The following MATCAP1 variants were observed in gnomAD, a reference collection of about 807,000 sequenced individuals.
The protein encoded by MATCAP1 is microtubule associated tyrosine carboxypeptidase 1.
the MATCAP1 span, chr16:67,180,652 CCA>C: frequency 7.0e-7 from 1 of 1,421,032 alleles, no homozygotes; most frequent in Non-Finnish European, 9.5e-7. Flanking sequence ...CTCCAACTCC[CCA>C]CACTGTCGAC....
chr16:67,177,404 G>C, the MATCAP1 span, among the ~76,000 whole-genome samples: 1 of 152,102 alleles, frequency 6.6e-6, no homozygotes, highest in Non-Finnish European at 1.5e-5. Flanking sequence ...CTCCCATCAG[G>C]GTAGCCGCTG....
the MATCAP1 span, chr16:67,179,241 GCAGGCATGTTCTGGCCTACCT>G: frequency 1.4e-6 from 2 of 1,421,626 alleles, no homozygotes; most frequent in Non-Finnish European, 1.8e-6. The surrounding 1 kb of genome is among the most constrained non-coding windows in gnomAD (Gnocchi z 5.2). Flanking sequence ...CAGAGCATGG[GCAGGCATGTTCTGGCCTACCT>G]CTGTAAGCAG....
the MATCAP1 span, chr16:67,179,608 G>C: frequency 6.4e-7 from 1 of 1,561,974 alleles, no homozygotes; most frequent in Non-Finnish European, 8.8e-7. This position sits in a 1 kb window ranked among gnomAD's most constrained non-coding sequence, Gnocchi z 5.2. Context: ...CCTGGGGCCA[G>C]GGTGCAGGTG....
At chr16:67,180,401 G>A in the MATCAP1 span, 1 of 1,612,844 alleles carries the variant, frequency 6.2e-7, no homozygotes, top group African/African-American at 1.3e-5. Flanking sequence ...GGTGGCCCAG[G>A]AGCATCTGTG....
At chr16:67,176,540 C>G in the MATCAP1 span, 2 of 367,742 alleles carry the variant, frequency 5.4e-6, no homozygotes, top group Non-Finnish European at 9.7e-6. The surrounding 1 kb of genome is among the most constrained non-coding windows in gnomAD (Gnocchi z 4.3). Flanking sequence ...TCTCTTCCTG[C>G]CCCCATGCCT....
chr16:67,181,552 G>C, the MATCAP1 span: 1 of 152,202 alleles, frequency 6.6e-6, no homozygotes, highest in African/African-American at 2.4e-5. Context: ...CCTCCCCAGA[G>C]ACTACCTGGA....
the MATCAP1 span, chr16:67,179,636 G>A: frequency 1.3e-6 from 2 of 1,505,902 alleles, no homozygotes; most frequent in Admixed American, 3.4e-5. This position sits in a 1 kb window ranked among gnomAD's most constrained non-coding sequence, Gnocchi z 5.2. Context: ...TGATGCCACA[G>A]GGCAGCGAGG....
At chr16:67,176,920 C>T in the MATCAP1 span, 8 of 1,607,892 alleles carry the variant, frequency 5.0e-6, no homozygotes, top group African/African-American at 1.3e-5. The surrounding 1 kb of genome is among the most constrained non-coding windows in gnomAD (Gnocchi z 4.3). Context: ...GTGGGGCACC[C>T]GGGTATTATC....
At chr16:67,179,121 T>C in the MATCAP1 span, 14 of 1,196,668 alleles carry the variant, frequency 1.2e-5, no homozygotes, top group Middle Eastern at 3.5e-4. The surrounding 1 kb of genome is among the most constrained non-coding windows in gnomAD (Gnocchi z 5.2). Context: ...GAGGGTTCTT[T>C]CTCTGGCCGG....
At chr16:67,178,233 G>T in the MATCAP1 span, 2 of 1,546,718 alleles carry the variant, frequency 1.3e-6, no homozygotes, top group African/African-American at 1.4e-5. Context: ...CGCGCTTGGC[G>T]CGCACGCAGT....
chr16:67,178,434 G>C, the MATCAP1 span: 2 of 1,538,330 alleles, frequency 1.3e-6, no homozygotes, highest in Non-Finnish European at 8.7e-7. Flanking sequence ...GCCGCAGCCC[G>C]TACCGCAGCC....
chr16:67,180,566 G>T, the MATCAP1 span: 6 of 1,526,836 alleles, frequency 3.9e-6, no homozygotes, highest in South Asian at 6.5e-5. Flanking sequence ...TAGGCGGGCT[G>T]GGGGGTGCCT....
the MATCAP1 span, chr16:67,176,671 C>T: frequency 1.4e-5 from 11 of 761,704 alleles, no homozygotes; most frequent in Non-Finnish European, 2.2e-5. The surrounding 1 kb of genome is among the most constrained non-coding windows in gnomAD (Gnocchi z 4.3). Flanking sequence ...TGTTGCCACT[C>T]CTCCTCAAGG....
At chr16:67,180,918 G>C in the MATCAP1 span, among the ~76,000 whole-genome samples, 1 of 152,214 alleles carries the variant, frequency 6.6e-6, no homozygotes, top group Non-Finnish European at 1.5e-5. Flanking sequence ...GTGGAGTGCA[G>C]TGCAATGATC....
chr16:67,178,877 G>A, the MATCAP1 span: 1 of 495,612 alleles, frequency 2.0e-6, no homozygotes, highest in Non-Finnish European at 3.8e-6. Flanking sequence ...ATATCATCTT[G>A]AACAGTCATG....
At chr16:67,178,415 G>A in the MATCAP1 span, 1 of 1,542,384 alleles carries the variant, frequency 6.5e-7, no homozygotes, top group Non-Finnish European at 8.7e-7. Flanking sequence ...TCCTCCGTGG[G>A]GTTCGCCGGC....
At chr16:67,179,326 G>A in the MATCAP1 span, 5 of 1,512,716 alleles carry the variant, frequency 3.3e-6, no homozygotes, top group Non-Finnish European at 4.4e-6. The surrounding 1 kb of genome is among the most constrained non-coding windows in gnomAD (Gnocchi z 5.2). Flanking sequence ...GGAGGGAAGG[G>A]GGAGAAACAA....
chr16:67,177,978 G>C, the MATCAP1 span: 1 of 1,575,394 alleles, frequency 6.3e-7, no homozygotes, highest in Admixed American at 1.7e-5. Flanking sequence ...CAGGGAGCTG[G>C]CTGGGACCTC....
At chr16:67,177,739 G>A in the MATCAP1 span, among the ~76,000 whole-genome samples, 1 of 152,194 alleles carries the variant, frequency 6.6e-6, no homozygotes, top group Non-Finnish European at 1.5e-5. Flanking sequence ...CATTTCTGCA[G>A]CCTTCTTCCC....
Sources: gnomAD v4.1 joint callset for allele counts (sites outside exome capture counted in the v4.1 genomes callset) on GRCh38, gnomAD v4.1.1 for gene constraint, Gnocchi (gnomAD v3.1) non-coding constraint, MANE v1.5 for transcripts, NCBI Gene and HGNC (gene_info 2026-07-23, HGNC 2026-07-21) for gene names.